Variants in KANK4 observed in about 807,000 individuals in gnomAD.
The protein encoded by KANK4 is KN motif and ankyrin repeat domains 4.
A neutral mutation model predicts 80.8 loss-of-function variants in KANK4; 50 were observed. That is an observed-to-expected ratio of 0.62 (90% CI 0.49 to 0.78). The LOEUF (loss-of-function observed/expected upper bound fraction) is 0.78. Among genes scored for constraint, KANK4 ranks in the 30% least tolerant of loss-of-function variants. The pLI is 0.00. For synonymous variants in KANK4, 465 were observed against 506.9 expected, an observed-to-expected ratio of 0.92 and a Z score of 1.11; for missense variants, 1,196 against 1,240.1, an observed-to-expected ratio of 0.96 and a Z score of 0.53.
At chr1:62,272,485 C>T (rs1272093900) in intron 3 of KANK4, 1 of 152,382 alleles carries the variant, frequency 6.6e-6, no homozygotes, top group Non-Finnish European at 1.5e-5. Flanking sequence ...GTCTGGAGTC[C>T]ACGCAGCAGG....
chr1:62,271,437 G>T, intron 4 of KANK4, 41 bp downstream of exon 4: 1 of 1,300,274 alleles, frequency 7.7e-7, no homozygotes, highest in Non-Finnish European at 1.1e-6. Flanking sequence ...AGCAGGAGAG[G>T]TAGCAAGAAA....
intron 1 of KANK4, among the ~76,000 whole-genome samples, chr1:62,303,746 A>T (rs986909718): frequency 1.3e-5 from 2 of 152,160 alleles, no homozygotes; most frequent in Non-Finnish European, 2.9e-5. Flanking sequence ...TACTGATCAC[A>T]TGGTGAAATG....
chr1:62,243,236 A>T (rs988003560), intron 9 of KANK4, among the ~76,000 whole-genome samples: 1 of 151,922 alleles, frequency 6.6e-6, no homozygotes, highest in African/African-American at 2.4e-5. Flanking sequence ...GCTCTCCCTG[A>T]TCCAGCACTT....
rs1671932832 is a variant in KANK4 at position 62,263,199 on chromosome 1, T to C, written c.2432A>G (p.His811Arg). ...CAAGTTGACAAGCAGTTTCAGGAAG[T>C]GTGGGGAGTGAGGCTGGACCTCGTG... Reference protein sequence around the residue: ...YLHEVQPHSPHFLKLLVNLAD... With the variant: ...YLHEVQPHSPRFLKLLVNLAD... The change falls in exon 7 of 10, where the codon CAC becomes CGC. Residue 811 changes from histidine to arginine, a missense_variant. Coordinates refer to ENST00000371153, the MANE Select transcript of KANK4 (RefSeq NM_181712.5). 3 of 1,613,732 alleles carry C rather than the reference T, an allele frequency of 1.9e-6. No individual in the cohort carries two copies. The highest frequency in any genetic ancestry group is 2.5e-6 in the Non-Finnish European group (3 of 1,179,944).
In KANK4 at chr1:62,253,314, G is replaced by A. The variant is rs1461957660; in HGVS notation, c.2540-105C>T. On this transcript the variant is annotated intron_variant, in intron 7 of 9. Transcript: ENST00000371153. Reference sequence around the variant, plus strand: ...ACTGCTCGCTGGTTAGAAAGCCATGGACTAGAGCAATGCTTTCCACAGCTG... The same window carrying A: ...ACTGCTCGCTGGTTAGAAAGCCATGAACTAGAGCAATGCTTTCCACAGCTG... 10 of 1,063,302 alleles carry A rather than the reference G, an allele frequency of 9.4e-6. No individual in the cohort carries two copies. In the Admixed American group the frequency reaches 2.8e-4, roughly 30 times the overall value. The allele number at this position is 1,063,302 out of a possible 1,614,324, so 65.9% of individuals were successfully genotyped here.
chr1:62,260,416 C>A (rs1671857213), intron 7 of KANK4, among the ~76,000 whole-genome samples: 1 of 152,040 alleles, frequency 6.6e-6, no homozygotes, highest in Non-Finnish European at 1.5e-5. Flanking sequence ...GTCTCTCATT[C>A]CCTGTCTCTG....
chr1:62,239,221 T>C (rs1373799695), intron 9 of KANK4, among the ~76,000 whole-genome samples: 1 of 152,222 alleles, frequency 6.6e-6, no homozygotes, highest in Non-Finnish European at 1.5e-5. Flanking sequence ...CCTGTCCTGT[T>C]GTTGGTTTTT....
intron 2 of KANK4, among the ~76,000 whole-genome samples, chr1:62,278,003 A>G (rs764782023): frequency 6.6e-6 from 1 of 152,186 alleles, no homozygotes; most frequent in Non-Finnish European, 1.5e-5. Flanking sequence ...TACTTAAAAC[A>G]TGGTAGAGAA....
intron 1 of KANK4, among the ~76,000 whole-genome samples, chr1:62,287,477 GC>G (rs1212676945): frequency 6.6e-6 from 1 of 152,168 alleles, no homozygotes; most frequent in Non-Finnish European, 1.5e-5. Flanking sequence ...TGAAATTGAT[GC>G]TGGCAAGGAG....
chr1:62,268,241 C>T, intron 5 of KANK4, 46 bp downstream of exon 5: 1 of 1,489,984 alleles, frequency 6.7e-7, no homozygotes, highest in Admixed American at 1.7e-5. Context: ...ATGCCCTTGA[C>T]CTTTTTCAGA....
intron 9 of KANK4, among the ~76,000 whole-genome samples, chr1:62,238,683 G>A (rs1371136062): frequency 6.6e-6 from 1 of 150,564 alleles, no homozygotes; most frequent in South Asian, 2.1e-4. Flanking sequence ...AGGGTGGAGT[G>A]CAGTGGCGCA....
intron 1 of KANK4, among the ~76,000 whole-genome samples, chr1:62,296,485 G>A (rs2149163773): frequency 6.6e-6 from 1 of 152,314 alleles, no homozygotes; most frequent in South Asian, 2.1e-4. Flanking sequence ...TGCCAGAAGT[G>A]TCCTTTGTAG....
intron 1 of KANK4, among the ~76,000 whole-genome samples, chr1:62,288,682 G>C (rs1018302140): frequency 7.7e-6 from 1 of 129,300 alleles, no homozygotes; most frequent in African/African-American, 3.2e-5. Flanking sequence ...AGCTGGGCCA[G>C]TTGTAGGGAG....
At chr1:62,248,944 C>A (rs1269317235) in intron 8 of KANK4, among the ~76,000 whole-genome samples, 1 of 147,646 alleles carries the variant, frequency 6.8e-6, no homozygotes, top group Non-Finnish European at 1.5e-5. Context: ...GGGCAGATCA[C>A]CTGAGGTCAG....
rs373056418 is a variant in KANK4 at position 62,280,544 on chromosome 1, G to A, written c.16+1005C>T. 2.6e-5 allele frequency among the ~76,000 whole-genome samples: 4 copies of A among 152,186 alleles called. No homozygotes were observed. In the East Asian group the frequency reaches 5.8e-4, roughly 22 times the overall value. On this transcript the variant is annotated intron_variant, in intron 2 of 9. Coordinates refer to ENST00000371153, the MANE Select transcript of KANK4 (RefSeq NM_181712.5). ...TGTCAGGTCCCTAAGTCCCGTGCCC[G>A]TGAAGGGCCATGTGATTCAAGGGGA...
chr1:62,269,860 T>C (rs1190763486), intron 4 of KANK4, among the ~76,000 whole-genome samples: 1 of 152,206 alleles, frequency 6.6e-6, no homozygotes, highest in Non-Finnish European at 1.5e-5. Flanking sequence ...TTCCTAACCT[T>C]AGTGGTACAT....
chr1:62,247,564 A>C lies in KANK4; in HGVS notation c.2791T>G (p.Ser931Ala), dbSNP rs1281074962. Residue 931 changes from serine to alanine, a missense_variant, in exon 9 of 10, where the codon TCG becomes GCG. By Grantham distance (99) the Ser-to-Ala change is moderately conservative. This residue lies in a region of KANK4 where 1,154 missense variants were observed against 1,179.6 expected (regional missense o/e 0.98). Transcript: ENST00000371153. Reference protein sequence around the residue: ...DVNLQDHDGSSALMVACHHGN... With the variant: ...DVNLQDHDGSAALMVACHHGN... Reference sequence around the variant, plus strand: ...TGGTGACAGGCCACCATGAGGGCCGAGGATCCATCGTGGTCCTGCAGATTG... The same window carrying C: ...TGGTGACAGGCCACCATGAGGGCCGCGGATCCATCGTGGTCCTGCAGATTG... 6.2e-7 allele frequency: 1 copy of C among 1,614,046 alleles called. No individual in the cohort carries two copies. Among genetic ancestry groups the C allele is most frequent in the East Asian group, 2.2e-5 (1 of 44,832 alleles).
intron 1 of KANK4, among the ~76,000 whole-genome samples, chr1:62,304,300 T>C (rs1234892841): frequency 2.0e-5 from 3 of 152,054 alleles, no homozygotes; most frequent in South Asian, 2.1e-4. Context: ...TTTTGATTTG[T>C]TGGACATGGG....
Position 62,275,086 on chromosome 1 carries a change from G to A in KANK4, c.18C>T (p.Ala6=), listed in dbSNP as rs929604616. The A allele has an allele frequency of 6.3e-7, 1 of 1,587,946 alleles. No homozygotes were observed. Among genetic ancestry groups the A allele is most frequent in the Non-Finnish European group, 8.6e-7 (1 of 1,168,864 alleles). The change falls in exon 3 of 10, where the codon GCC becomes GCT. Residue 6 remains alanine, a splice_region_variant and synonymous_variant. Coordinates refer to ENST00000371153, the MANE Select transcript of KANK4 (RefSeq NM_181712.5). MEKTD[A]KDQSSQGDEE... ...CATCCCCCTGAGAGGACTGGTCTTTGGCTGGGAGACATAAGACAAGTTAAA... is the reference window on the plus strand; with the variant it reads ...CATCCCCCTGAGAGGACTGGTCTTTAGCTGGGAGACATAAGACAAGTTAAA...
Sources: allele counts gnomAD v4.1 joint callset (sites outside exome capture counted in the v4.1 genomes callset), GRCh38; gene constraint gnomAD v4.1.1; regional missense constraint gnomAD v4.1.1; transcripts MANE v1.5; gene names NCBI Gene and HGNC (gene_info 2026-07-23, HGNC 2026-07-21).